Variants in SORBS2 observed in about 807,000 individuals in gnomAD.
The protein encoded by SORBS2 is sorbin and SH3 domain containing 2.
A neutral mutation model predicts 97.7 loss-of-function variants in SORBS2; 46 were observed. The observed-to-expected ratio is 0.47, with a 90% confidence interval of 0.37 to 0.60. The LOEUF (loss-of-function observed/expected upper bound fraction) is 0.60, where lower values mean the gene tolerates loss of function less well. SORBS2 is among the 20% of genes least tolerant of loss of function. The pLI, the probability that SORBS2 is intolerant of heterozygous loss-of-function variation, is 0.00. For missense variants in SORBS2, 1,316 were observed against 1,282.3 expected, an observed-to-expected ratio of 1.03 and a Z score of -0.40; for synonymous variants, 476 against 473.4, an observed-to-expected ratio of 1.01 and a Z score of -0.07.
intron 2 of SORBS2, among the ~76,000 whole-genome samples, chr4:185,739,193 CT>C (rs34484132): frequency 1.3e-5 from 2 of 152,182 alleles, no homozygotes; most frequent in Admixed American, 6.5e-5. Context: ...CTGGTATTTT[CT>C]TTTTTACCAG....
intron 2 of SORBS2, among the ~76,000 whole-genome samples, chr4:185,732,655 C>T (rs2098651035): frequency 6.6e-6 from 1 of 152,154 alleles, no homozygotes; most frequent in Admixed American, 6.5e-5. Flanking sequence ...GTTGAGCTTA[C>T]AGTAGACAAT....
intron 2 of SORBS2, among the ~76,000 whole-genome samples, chr4:185,702,693 G>A (rs753267500): frequency 1.3e-5 from 2 of 151,718 alleles, no homozygotes; most frequent in African/African-American, 2.4e-5. Context: ...AGTGGGAGTC[G>A]GTGTTAAGCC....
chr4:185,657,682 T>A (rs932395722), upstream of SORBS2: 1 of 1,210,106 alleles, frequency 8.3e-7, no homozygotes. Context: ...TTATGCCAAC[T>A]GTAACACAGA....
intron 4 of SORBS2, among the ~76,000 whole-genome samples, chr4:185,663,957 T>C (rs931215972): frequency 6.1e-5 from 9 of 148,510 alleles, no homozygotes; most frequent in Non-Finnish European, 1.2e-4. Flanking sequence ...CGGGTTCATG[T>C]CATTCTCCTG....
chr4:185,637,996 A>G, intron 4 of SORBS2, 83 bp downstream of exon 15: 1 of 857,532 alleles, frequency 1.2e-6, no homozygotes, highest in Non-Finnish European at 2.0e-6. Context: ...TCTGAATGAC[A>G]CCCACGTCTA....
At chr4:185,707,723 C>A (rs925276480) in intron 2 of SORBS2, among the ~76,000 whole-genome samples, 2 of 152,160 alleles carry the variant, frequency 1.3e-5, no homozygotes, top group Admixed American at 6.5e-5. Flanking sequence ...GCCTCACAAT[C>A]ATGGCAGAAG....
At chr4:185,589,501 T>C (rs964357632) in intron 14 of SORBS2, among the ~76,000 whole-genome samples, 178 bp downstream of exon 26, 1 of 152,224 alleles carries the variant, frequency 6.6e-6, no homozygotes, top group Non-Finnish European at 1.5e-5. Context: ...AAGCAGTGAA[T>C]ACTAAACTAT....
At position 185,684,151 on chromosome 4, in the gene SORBS2, A is replaced by G. The variant is rs2153508246; in HGVS notation, c.-197-5329T>C. On this transcript the variant is annotated intron_variant, in intron 2 of 20. Coordinates refer to the SORBS2 transcript ENST00000284776. The surrounding 1 kb of genome is among the most constrained non-coding windows in gnomAD (Gnocchi z 4.2). ...TCCCAGTGCAGACTGTGCCTTAGGTACTGTGCCTAACTTCGGTACTGTGGC... is the reference window on the plus strand; with the variant it reads ...TCCCAGTGCAGACTGTGCCTTAGGTGCTGTGCCTAACTTCGGTACTGTGGC... Among the ~76,000 whole-genome samples the G allele has an allele frequency of 6.6e-6, 1 of 152,244 alleles. No individual in the cohort carries two copies. The highest frequency in any genetic ancestry group is 1.5e-5 in the Non-Finnish European group (1 of 68,000).
At chr4:185,614,930 A>G (rs1172627996) in exon 11 of SORBS2, 1 of 1,614,044 alleles carries the variant, frequency 6.2e-7, no homozygotes, top group Non-Finnish European at 8.5e-7. Flanking sequence ...GTGGTCTTGC[A>G]GGCTGTGCTT....
chr4:185,858,063 C>T (rs151088079), intron 1 of SORBS2, among the ~76,000 whole-genome samples: 4 of 152,260 alleles, frequency 2.6e-5, no homozygotes, highest in East Asian at 1.9e-4. Flanking sequence ...AATAAAAACT[C>T]GCTGGTTTTG....
chr4:185,725,938 T>A (rs982022466), intron 2 of SORBS2, among the ~76,000 whole-genome samples: 6 of 152,206 alleles, frequency 3.9e-5, no homozygotes, highest in African/African-American at 1.4e-4. Context: ...TTTTTTTTTG[T>A]TTTTTAGTCA....
intron 1 of SORBS2, among the ~76,000 whole-genome samples, chr4:185,793,961 C>T (rs866113601): frequency 3.9e-5 from 6 of 152,190 alleles, no homozygotes; most frequent in Admixed American, 1.3e-4. Flanking sequence ...TGGCCTGCCC[C>T]TTCCTGTCCT....
At chr4:185,758,262 C>T (rs1323062387) in intron 2 of SORBS2, among the ~76,000 whole-genome samples, 1 of 152,204 alleles carries the variant, frequency 6.6e-6, no homozygotes, top group Admixed American at 6.5e-5. Context: ...TTGCTCTAGC[C>T]AGGACCCCAT....
chr4:185,836,789 A>G (rs1316666538), intron 1 of SORBS2, among the ~76,000 whole-genome samples: 1 of 152,190 alleles, frequency 6.6e-6, no homozygotes, highest in African/African-American at 2.4e-5. Flanking sequence ...TGTTCTTTTG[A>G]ATTTTAACAC....
At chr4:185,880,756 G>A (rs530804984) in intron 1 of SORBS2, among the ~76,000 whole-genome samples, 10 of 152,330 alleles carry the variant, frequency 6.6e-5, no homozygotes, top group African/African-American at 2.4e-4. Flanking sequence ...AAAGCAAACA[G>A]AACAGAACAC....
chr4:185,603,244 A>G lies in SORBS2; in HGVS notation c.2796+8536T>C, dbSNP rs188169407. ...TGACTAAGCTTAAAAACCGAAGAAC[A>G]AGTTAAAAAAAAAGACAAGAAATAA... On this transcript the variant is annotated intron_variant, in intron 12 of 14. Transcript: ENST00000418609. 3.2e-3 allele frequency among the ~76,000 whole-genome samples: 478 copies of G among 151,516 alleles called. 3 individuals carry two copies. Among genetic ancestry groups the G allele is most frequent in the African/African-American group, 0.011 (460 of 41,080 alleles).
At chr4:185,947,303 C>T (rs13143090) in intron 1 of SORBS2, among the ~76,000 whole-genome samples, 105,815 of 152,076 alleles carry the variant, frequency 0.7, 37,554 homozygotes, top group East Asian at 0.95. Flanking sequence ...TAGCAGGGAA[C>T]GGAAGCCTGT....
At chr4:185,951,575 T>C (rs2099277252) in intron 1 of SORBS2, among the ~76,000 whole-genome samples, 1 of 152,246 alleles carries the variant, frequency 6.6e-6, no homozygotes, top group African/African-American at 2.4e-5. Context: ...GACAGTAACC[T>C]GTTATTTTCT....
At chr4:185,917,178 C>T (rs1417603501) in intron 1 of SORBS2, among the ~76,000 whole-genome samples, 2 of 152,192 alleles carry the variant, frequency 1.3e-5, no homozygotes, top group African/African-American at 4.8e-5. Flanking sequence ...AAGCTCCGCA[C>T]CCCTTCCCTC....
Sources: allele counts gnomAD v4.1 joint callset (sites outside exome capture counted in the v4.1 genomes callset), GRCh38; gene constraint gnomAD v4.1.1; non-coding constraint Gnocchi (gnomAD v3.1); transcripts MANE v1.5; gene names NCBI Gene and HGNC (gene_info 2026-07-23, HGNC 2026-07-21).